COX6B2: variants seen among roughly 807,000 people sequenced by gnomAD.
The protein encoded by COX6B2 is COX VIb-2.
Under a neutral mutation model 13.7 loss-of-function variants are expected in COX6B2, and 12 were observed. The ratio of observed to expected loss-of-function variants is 0.87; its 90% confidence interval spans 0.56 to 1.41. The LOEUF is 1.41. Ranked by LOEUF, COX6B2 falls within the 40% of genes most tolerant of loss-of-function variation. The pLI is 0.00. For synonymous variants in COX6B2, 56 were observed against 46.6 expected, an observed-to-expected ratio of 1.20 and a Z score of -0.82; for missense variants, 130 against 118.3, an observed-to-expected ratio of 1.10 and a Z score of -0.46.
intron 2 of COX6B2, 113 bp from the exon 3 acceptor site, chr19:55,354,079 CT>C (rs2089690217): frequency 1.0e-5 from 10 of 955,292 alleles, no homozygotes; most frequent in Non-Finnish European, 1.6e-5. Context: ...TCCCTCTCCC[CT>C]GGAGGCCTCC....
At chr19:55,354,142 T>G in intron 2 of COX6B2, 176 bp from the exon 3 acceptor site, 1 of 587,752 alleles carries the variant, frequency 1.7e-6, no homozygotes, top group Admixed American at 2.8e-5. Context: ...ACACTGCTCC[T>G]CCTACCCAGA....
At chr19:55,354,597 C>G in intron 1 of COX6B2, 53 bp downstream of exon 1, 1 of 1,089,672 alleles carries the variant, frequency 9.2e-7, no homozygotes, top group Non-Finnish European at 1.4e-6. Flanking sequence ...CTCGCTCCGA[C>G]CCGTCTCCCC....
At chr19:55,353,182 C>T in intron 4 of COX6B2, 1 of 180,506 alleles carries the variant, frequency 5.5e-6, no homozygotes, top group Admixed American at 5.4e-5. Flanking sequence ...CAAAGAAGAC[C>T]CCTCAGGACC....
In COX6B2 at chr19:55,352,487, C is replaced by T. The variant is rs1418617947; in HGVS notation, c.*114+1120G>A. ...CCTCGGGCTCACACAGGTCAAGAAG[C>T]TTGTCTAGGGTCACCCTGCAAGTTG... On this transcript the variant is annotated intron_variant, in intron 4 of 4. Coordinates refer to ENST00000326529, the MANE Select transcript of COX6B2 (RefSeq NM_144613.5). This position sits in a 1 kb window ranked among gnomAD's most constrained non-coding sequence, Gnocchi z 6.2. 6.6e-6 allele frequency: 1 copy of T among 152,196 alleles called. No homozygotes were observed. Among genetic ancestry groups the T allele is most frequent in the Non-Finnish European group, 1.5e-5 (1 of 68,044 alleles). 9.4% of individuals were successfully genotyped at this position (152,196 alleles called of 1,614,324 possible).
At chr19:55,351,945 G>T in intron 4 of COX6B2, 1 of 153,660 alleles carries the variant, frequency 6.5e-6, no homozygotes, top group Non-Finnish European at 1.5e-5. Context: ...TGGAGGCAGT[G>T]AAGATAGGAT....
Position 55,353,884 on chromosome 19 carries a change from C to A in COX6B2, c.195G>T (p.Ser65=). 1 of 1,573,638 alleles carries A rather than the reference C, an allele frequency of 6.4e-7. No individual in the cohort carries two copies. Among genetic ancestry groups the A allele is most frequent in the Non-Finnish European group, 8.6e-7 (1 of 1,160,488 alleles). The part of the protein sequence containing the change: ...PCEYYFRVYH[S]LCPISWVESW... ...GACTCACCCAGCTGATGGGGCACAG[C>A]GAGTGGTACACGCGGAAATAGTACT... The change falls in exon 3 of 5, where the codon TCG becomes TCT. Residue 65 remains serine (S), a synonymous_variant. Coordinates refer to ENST00000326529, the MANE Select transcript of COX6B2 (RefSeq NM_144613.5).
chr19:55,351,392 G>A (rs146104653), intron 4 of COX6B2, among the ~76,000 whole-genome samples: 2 of 152,288 alleles, frequency 1.3e-5, no homozygotes, highest in Non-Finnish European at 2.9e-5. Flanking sequence ...GGGAAAGGGG[G>A]AAACCCAGAG....
intron 4 of COX6B2, 174 bp downstream of exon 4, chr19:55,353,433 C>G (rs578072300): frequency 1.7e-5 from 9 of 530,924 alleles, no homozygotes; most frequent in South Asian, 1.7e-4. Flanking sequence ...AGGCATTCGG[C>G]TTCCTGTCTT....
Position 55,353,667 on chromosome 19 carries a change from G to C in COX6B2, c.*54C>G. Reference sequence around the variant, plus strand: ...GGATAACCGAGACCCGGGGCTCCGCGAGACAAAAAGATGCAGGATCACTGC... The same window carrying C: ...GGATAACCGAGACCCGGGGCTCCGCCAGACAAAAAGATGCAGGATCACTGC... On this transcript the variant is annotated 3_prime_UTR_variant, in exon 4 of 5. Transcript: ENST00000326529. 1.3e-6 allele frequency: 2 copies of C among 1,560,670 alleles called. No individual in the cohort carries two copies. Among genetic ancestry groups the C allele is most frequent in the Non-Finnish European group, 1.7e-6 (2 of 1,145,314 alleles).
chr19:55,354,231 C>A (rs536962259), intron 2 of COX6B2, 179 bp downstream of exon 2: 7 of 661,790 alleles, frequency 1.1e-5, no homozygotes, highest in Admixed American at 4.9e-5. Context: ...CCCTACCAAC[C>A]TCGCCCCGCC....
At chr19:55,353,365 C>T (rs1160491110) in intron 4 of COX6B2, 3 of 396,862 alleles carry the variant, frequency 7.6e-6, no homozygotes, top group Admixed American at 4.2e-5. Flanking sequence ...TGGGCTGGCT[C>T]GTAGCTGTCA....
chr19:55,353,136 T>A, intron 4 of COX6B2: 1 of 140,674 alleles, frequency 7.1e-6, no homozygotes, highest in Non-Finnish European at 1.5e-5. Context: ...GCCCAGAGAG[T>A]GGGGGAGGAA....
In COX6B2 at chr19:55,349,719, GTATA is replaced by G. The variant is rs2089656671; in HGVS notation, c.*1192_*1195del. ...TTCTGAAATCTTTTAAATGTTGAGA[GTATA>G]TATTTACATGCACATTTTTTATAGG... is the stretch of plus-strand genomic sequence containing the variant. On this transcript the variant is annotated 3_prime_UTR_variant, in exon 5 of 5. Coordinates refer to ENST00000326529, the MANE Select transcript of COX6B2 (RefSeq NM_144613.5). 3 of 152,252 alleles carry G rather than the reference GTATA, an allele frequency of 2.0e-5. No homozygotes were observed. In the East Asian group the frequency reaches 5.8e-4, roughly 29 times the overall value. The allele number at this position is 152,252 out of a possible 1,614,324, so 9.4% of individuals were successfully genotyped here.
chr19:55,354,446 GGCTGGGGAA>G lies in COX6B2; in HGVS notation c.67_75del (p.Phe23_Ser25del), dbSNP rs2089694749. 6.2e-7 allele frequency: 1 copy of G among 1,614,018 alleles called. No homozygotes were observed. Among genetic ancestry groups the G allele is most frequent in the African/African-American group, 1.3e-5 (1 of 75,066 alleles). ...TGGTAGCAGTTACGGATCTGGTTCT[GGCTGGGGAA>G]GCGCGGGTCGAAGGGCGGCGTCGAC... On this transcript the variant is annotated inframe_deletion, in exon 2 of 5. Coordinates refer to ENST00000326529, the MANE Select transcript of COX6B2 (RefSeq NM_144613.5).
At position 55,353,774 on chromosome 19, in the gene COX6B2, C is replaced by T; in HGVS notation, c.214G>A (p.Val72Met). The change falls in exon 4 of 5, where the codon GTG (valine) becomes ATG (methionine). Residue 72 changes from valine to methionine, a missense_variant and splice_region_variant. Physicochemically the swap from Val to Met is conservative, Grantham distance 21 (BLOSUM62 1). Coordinates refer to ENST00000326529, the MANE Select transcript of COX6B2 (RefSeq NM_144613.5). The part of the protein sequence containing the change: ...VYHSLCPISW[V>M]ESWNEQIKNG... ...TTGATCTGCTCGTTCCAGCTCTCCA[C>T]CTGGGAAGCAGAAAGGCAGGGAGCG... The T allele has an allele frequency of 3.7e-6, 6 of 1,608,914 alleles. No homozygotes were observed. The South Asian group carries it at 5.6e-5, about 15-fold the overall frequency.
Position 55,352,592 on chromosome 19 carries a change from T to TC in COX6B2, c.*114+1014dup, listed in dbSNP as rs1342364834. 1.3e-5 allele frequency: 2 copies of TC among 151,812 alleles called. No homozygotes were observed. The highest frequency in any genetic ancestry group is 2.9e-5 in the Non-Finnish European group (2 of 67,872). The allele number at this position is 151,812 out of a possible 1,614,324, so 9.4% of individuals were successfully genotyped here. A position where few individuals can be genotyped will look rare whatever the true frequency, so the allele number is the denominator to read the frequency against. ...ACCGCTTCAGTCAGAGGATGGGGCT[T>TC]CCCCCTCCTAGGAGCCCCTCTGGAA... On this transcript the variant is annotated intron_variant, in intron 4 of 4. Coordinates refer to ENST00000326529, the MANE Select transcript of COX6B2 (RefSeq NM_144613.5). This position sits in a 1 kb window ranked among gnomAD's most constrained non-coding sequence, Gnocchi z 6.2.
At chr19:55,351,509 G>T (rs1337717135) in intron 4 of COX6B2, among the ~76,000 whole-genome samples, 3 of 152,168 alleles carry the variant, frequency 2.0e-5, no homozygotes, top group South Asian at 4.1e-4. Flanking sequence ...GACGGAGCAG[G>T]TTCTGAGGGA....
intron 2 of COX6B2, chr19:55,354,177 G>C: frequency 1.7e-6 from 1 of 571,594 alleles, no homozygotes; most frequent in Non-Finnish European, 3.0e-6. Flanking sequence ...ACCTCGCCCC[G>C]CACCTTCACG....
At chr19:55,354,235 C>T in intron 2 of COX6B2, 175 bp downstream of exon 2, 1 of 641,264 alleles carries the variant, frequency 1.6e-6, no homozygotes, top group Non-Finnish European at 2.7e-6. Flanking sequence ...ACCAACCTCG[C>T]CCCGCCCCTC....
Sources: gnomAD v4.1 joint callset for allele counts (sites outside exome capture counted in the v4.1 genomes callset) on GRCh38, gnomAD v4.1.1 for gene constraint, Gnocchi (gnomAD v3.1) non-coding constraint, MANE v1.5 for transcripts, NCBI Gene and HGNC (gene_info 2026-07-23, HGNC 2026-07-21) for gene names.